The following PPP2R2B variants were observed in gnomAD, a reference collection of about 807,000 sequenced individuals.
PPP2R2B encodes protein phosphatase 2 regulatory subunit Bbeta.
PPP2R2B carries 5 observed loss-of-function variants against 46.0 expected under a neutral mutation model. That is an observed-to-expected ratio of 0.11 (90% CI 0.06 to 0.23). PPP2R2B has a LOEUF of 0.23. PPP2R2B is among the 10% of genes least tolerant of loss of function. The pLI is 1.00. For synonymous variants in PPP2R2B, 215 were observed against 206.7 expected, an observed-to-expected ratio of 1.04 and a Z score of -0.34; for missense variants, 367 against 575.0, an observed-to-expected ratio of 0.64 and a Z score of 3.70.
rs965085801 is a variant in PPP2R2B, at chr5:146,878,498, C to T, written c.-125+93G>A. The stretch of plus-strand genomic sequence containing the variant: ...CTCCAAAATGCAAAAAAGATCCCTC[C>T]TCCCCCTGGGAGAGCGGGCAGCCGC... On this transcript the variant is annotated intron_variant, in intron 1 of 9. Coordinates refer to ENST00000394411, the MANE Select transcript of PPP2R2B (RefSeq NM_181675.4). This position sits in a 1 kb window ranked among gnomAD's most constrained non-coding sequence, Gnocchi z 4.5. 9.8e-6 allele frequency: 13 copies of T among 1,326,864 alleles called. No homozygotes were observed. The highest frequency in any genetic ancestry group is 3.0e-5 in the African/African-American group (2 of 67,092). The allele number at this position is 1,326,864 out of a possible 1,614,324, so 82.2% of individuals were successfully genotyped here.
intron 4 of PPP2R2B, among the ~76,000 whole-genome samples, chr5:146,691,932 C>T (rs1193943440): frequency 6.6e-6 from 1 of 152,188 alleles, no homozygotes; most frequent in East Asian, 1.9e-4. Context: ...CTTAGAGAAG[C>T]TTATGTAATA....
At chr5:146,779,840 C>T (rs1755401364) in intron 2 of PPP2R2B, among the ~76,000 whole-genome samples, 1 of 152,024 alleles carries the variant, frequency 6.6e-6, no homozygotes, top group Non-Finnish European at 1.5e-5. Flanking sequence ...AGTTTAATGC[C>T]TGTAATACAT....
chr5:146,718,777 C>T (rs1211687863), intron 2 of PPP2R2B, among the ~76,000 whole-genome samples: 1 of 152,154 alleles, frequency 6.6e-6, no homozygotes, highest in Non-Finnish European at 1.5e-5. Context: ...TGAACTATTT[C>T]AGTCACATAC....
intron 1 of PPP2R2B, among the ~76,000 whole-genome samples, chr5:146,892,394 C>T (rs992389329): frequency 6.6e-6 from 1 of 152,156 alleles, no homozygotes; most frequent in African/African-American, 2.4e-5. Flanking sequence ...TAAACCCTTC[C>T]CTAGCTTCTG....
chr5:146,713,317 A>C (rs921951970), intron 2 of PPP2R2B, among the ~76,000 whole-genome samples: 2 of 152,170 alleles, frequency 1.3e-5, no homozygotes, highest in Non-Finnish European at 2.9e-5. Flanking sequence ...AGGTAGGAGA[A>C]ATGGGAGGTT....
intron 1 of PPP2R2B, among the ~76,000 whole-genome samples, chr5:147,042,712 T>C (rs1414777064): frequency 6.6e-6 from 1 of 152,022 alleles, no homozygotes; most frequent in Admixed American, 6.6e-5. Context: ...GATAAACAAA[T>C]ACATAATATG....
At chr5:146,601,682 A>G (rs2151019310) in intron 7 of PPP2R2B, among the ~76,000 whole-genome samples, 1 of 152,358 alleles carries the variant, frequency 6.6e-6, no homozygotes, top group Non-Finnish European at 1.5e-5. Flanking sequence ...AACTGTAACT[A>G]TGATGTCTTT....
intron 2 of PPP2R2B, among the ~76,000 whole-genome samples, chr5:146,851,422 G>C (rs1468937498): frequency 6.6e-6 from 1 of 152,096 alleles, no homozygotes; most frequent in East Asian, 1.9e-4. Context: ...AATGATTGCT[G>C]ATTGCTATTA....
intron 2 of PPP2R2B, among the ~76,000 whole-genome samples, chr5:146,814,910 G>T (rs899624117): frequency 6.6e-6 from 1 of 152,090 alleles, no homozygotes; most frequent in South Asian, 2.1e-4. Context: ...CCCTGCCTTG[G>T]TCTCTCCTTC....
chr5:146,773,281 C>T (rs1392044500), intron 2 of PPP2R2B, among the ~76,000 whole-genome samples: 1 of 152,150 alleles, frequency 6.6e-6, no homozygotes, highest in Non-Finnish European at 1.5e-5. Context: ...CCAGGAATTC[C>T]GTTTGGACCT....
intron 2 of PPP2R2B, among the ~76,000 whole-genome samples, chr5:147,073,933 G>A (rs138802699): frequency 4.5e-4 from 69 of 152,144 alleles, no homozygotes; most frequent in African/African-American, 1.7e-3. Context: ...CTACTTAGGA[G>A]GCTGAGGCAG....
intron 7 of PPP2R2B, among the ~76,000 whole-genome samples, chr5:146,627,232 G>A (rs1286700731): frequency 1.3e-5 from 2 of 152,192 alleles, no homozygotes; most frequent in Admixed American, 1.3e-4. Flanking sequence ...ACCTAACCAA[G>A]CTCCCCTGAA....
intron 7 of PPP2R2B, among the ~76,000 whole-genome samples, chr5:146,622,848 G>A (rs1773800305): frequency 6.6e-6 from 1 of 152,178 alleles, no homozygotes; most frequent in Non-Finnish European, 1.5e-5. Flanking sequence ...ATATAACTCA[G>A]TATACCATTT....
intron 5 of PPP2R2B, among the ~76,000 whole-genome samples, chr5:146,652,760 AC>A (rs5871984): frequency 0.85 from 128,784 of 151,594 alleles, 55,128 homozygotes; most frequent in Non-Finnish European, 0.9. Context: ...AGGAGGCAAC[AC>A]CCCCCCCCAA....
At chr5:146,906,909 A>T (rs927900608) in intron 1 of PPP2R2B, among the ~76,000 whole-genome samples, 11 of 152,204 alleles carry the variant, frequency 7.2e-5, no homozygotes, top group African/African-American at 2.7e-4. Flanking sequence ...TATGCAGCTG[A>T]TTAAATTTAA....
At chr5:146,856,662 A>G (rs1176689540) in intron 2 of PPP2R2B, 2 of 1,012,406 alleles carry the variant, frequency 2.0e-6, no homozygotes, top group East Asian at 4.8e-5. Context: ...AGGTGCATTT[A>G]CATACTTTCC....
intron 1 of PPP2R2B, among the ~76,000 whole-genome samples, chr5:147,054,151 T>C (rs1756960587): frequency 6.6e-6 from 1 of 152,226 alleles, no homozygotes; most frequent in African/African-American, 2.4e-5. Context: ...AGCAGGTTTT[T>C]TTCTATATGA....
intron 5 of PPP2R2B, among the ~76,000 whole-genome samples, chr5:146,667,330 GCGCA>G (rs1777055234): frequency 2.6e-4 from 3 of 11,330 alleles, no homozygotes; most frequent in Non-Finnish European, 4.9e-4. Context: ...AGGCGTGCGC[GCGCA>G]CACACACACA....
Position 146,850,071 on chromosome 5 carries a change from C to T in PPP2R2B, c.70+27931G>A, listed in dbSNP as rs548740498. On this transcript the variant is annotated intron_variant, in intron 2 of 9. Coordinates refer to ENST00000394411, the MANE Select transcript of PPP2R2B (RefSeq NM_181675.4). ...GAAGTATAACTGGGCTCTAATGTGA[C>T]ACTCTGCATTAACGATGCTAATTTA... 6.6e-5 allele frequency among the ~76,000 whole-genome samples: 10 copies of T among 152,292 alleles called. No individual in the cohort carries two copies. In the South Asian group the frequency reaches 1.4e-3, roughly 22 times the overall value.
Sources: allele counts gnomAD v4.1 joint callset (sites outside exome capture counted in the v4.1 genomes callset), GRCh38; gene constraint gnomAD v4.1.1; non-coding constraint Gnocchi (gnomAD v3.1); transcripts MANE v1.5; gene names NCBI Gene and HGNC (gene_info 2026-07-23, HGNC 2026-07-21).